The following TP63 variants were observed in gnomAD, a reference collection of about 807,000 sequenced individuals.
TP63 encodes the protein tumor protein p63.
A neutral mutation model predicts 82.8 loss-of-function variants in TP63; 17 were observed. That is an observed-to-expected ratio of 0.21 (90% CI 0.14 to 0.31). The LOEUF (loss-of-function observed/expected upper bound fraction) is 0.31, where lower values mean the gene tolerates loss of function less well. TP63 is among the 10% of genes least tolerant of loss of function. TP63 has a pLI of 1.00. For missense variants in TP63, 648 were observed against 895.3 expected (o/e 0.72, Z 3.52); for synonymous variants, 330 against 321.7 (o/e 1.03, Z -0.28).
upstream of TP63, among the ~76,000 whole-genome samples, chr3:189,628,115 C>A (rs71308970): frequency 0.12 from 17,938 of 152,008 alleles, 1,449 homozygotes; most frequent in East Asian, 0.4. Flanking sequence ...AATAGCTAGA[C>A]TCCAGGAAGA....
At chr3:189,767,232 T>G (rs1454571693) in intron 3 of TP63, among the ~76,000 whole-genome samples, 1 of 152,200 alleles carries the variant, frequency 6.6e-6, no homozygotes, top group Non-Finnish European at 1.5e-5. Flanking sequence ...AGTGGATTCT[T>G]TTCCTTTTTT....
chr3:189,725,537 A>G (rs939832565), intron 1 of TP63, among the ~76,000 whole-genome samples: 7 of 152,150 alleles, frequency 4.6e-5, no homozygotes, highest in African/African-American at 1.4e-4. Context: ...GATTTAAGCT[A>G]TTTTACTACC....
chr3:189,881,452 G>A, intron 10 of TP63: 1 of 985,272 alleles, frequency 1.0e-6, no homozygotes, highest in Non-Finnish European at 1.2e-6. Flanking sequence ...TTGCTTTTGT[G>A]GATGTGTGAT....
chr3:189,760,417 A>G (rs905836066), intron 3 of TP63, among the ~76,000 whole-genome samples: 1 of 152,236 alleles, frequency 6.6e-6, no homozygotes, highest in African/African-American at 2.4e-5. Flanking sequence ...CAAAGGGGCT[A>G]CTGGCCCCAT....
intron 4 of TP63, among the ~76,000 whole-genome samples, chr3:189,817,310 A>C (rs879756197): frequency 5.9e-5 from 9 of 152,172 alleles, no homozygotes; most frequent in Admixed American, 5.2e-4. Flanking sequence ...TGATTACTTA[A>C]GGGTTCTCAT....
intron 1 of TP63, among the ~76,000 whole-genome samples, chr3:189,684,700 G>A (rs932695473): frequency 6.7e-6 from 1 of 148,574 alleles, no homozygotes; most frequent in Non-Finnish European, 1.5e-5. Flanking sequence ...GTGCAATCTC[G>A]GCTCACTGCA....
intron 1 of TP63, among the ~76,000 whole-genome samples, chr3:189,661,237 G>A (rs764544923): frequency 2.0e-5 from 3 of 151,910 alleles, no homozygotes; most frequent in African/African-American, 7.2e-5. Context: ...TTATTTTGAG[G>A]TATATTCCTT....
intron 1 of TP63, among the ~76,000 whole-genome samples, chr3:189,712,718 G>A (rs974099414): frequency 2.0e-5 from 3 of 152,078 alleles, no homozygotes; most frequent in Non-Finnish European, 4.4e-5. Flanking sequence ...TCAGATCACA[G>A]CAATAAGAAG....
intron 1 of TP63, among the ~76,000 whole-genome samples, chr3:189,730,615 T>A (rs1432314605): frequency 1.3e-5 from 2 of 152,238 alleles, no homozygotes; most frequent in Non-Finnish European, 2.9e-5. Context: ...AAGATCATCA[T>A]GTATAAATGC....
rs779762640 is a variant in TP63 at position 189,789,833 on chromosome 3, A to G, written c.325-18439A>G. On this transcript the variant is annotated intron_variant, in intron 3 of 13. Transcript: ENST00000264731. The stretch of plus-strand genomic sequence containing the variant: ...ACCTGGAAAACAATGCCCAGACTCA[A>G]TTTAGTGAGGTAAGGATTTTAGATT... 7 of 1,597,396 alleles carry G rather than the reference A, an allele frequency of 4.4e-6. No individual in the cohort carries two copies. Among genetic ancestry groups the G allele is most frequent in the South Asian group, 3.4e-5 (3 of 87,856 alleles).
chr3:189,843,329 G>C (rs1431151918), intron 4 of TP63, among the ~76,000 whole-genome samples: 1 of 152,226 alleles, frequency 6.6e-6, no homozygotes, highest in Non-Finnish European at 1.5e-5. Flanking sequence ...GTAGCAGACA[G>C]CCCACCTGCT....
chr3:189,870,389 T>C (rs376996515), intron 9 of TP63, among the ~76,000 whole-genome samples: 53 of 152,326 alleles, frequency 3.5e-4, no homozygotes, highest in African/African-American at 1.3e-3. Flanking sequence ...ACTAATTGCA[T>C]GGCATTTACA....
At chr3:189,766,520 T>C (rs1028657935) in intron 3 of TP63, among the ~76,000 whole-genome samples, 9 of 152,200 alleles carry the variant, frequency 5.9e-5, no homozygotes, top group Non-Finnish European at 1.3e-4. Flanking sequence ...GAGAAGTTCC[T>C]AACTCTTTCT....
Position 189,776,713 on chromosome 3 carries a change from G to A in TP63, c.325-31559G>A, listed in dbSNP as rs554693878. 3.9e-5 allele frequency among the ~76,000 whole-genome samples: 6 copies of A among 152,314 alleles called. No individual in the cohort carries two copies. In the South Asian group the frequency reaches 1.2e-3, roughly 32 times the overall value. On this transcript the variant is annotated intron_variant, in intron 3 of 13. Coordinates refer to ENST00000264731, the MANE Select transcript of TP63 (RefSeq NM_003722.5). ...TTAGCCCTGCAGGTCAGTCTTGAAA[G>A]AAACAAGAGTGTAGCATCCAGCAAT...
intron 4 of TP63, among the ~76,000 whole-genome samples, chr3:189,816,164 A>T (rs2108659065): frequency 6.6e-6 from 1 of 152,334 alleles, no homozygotes; most frequent in East Asian, 1.9e-4. Flanking sequence ...GCTTACTTTT[A>T]ATTGGCACAT....
chr3:189,836,007 A>G (rs1002647338), intron 4 of TP63, among the ~76,000 whole-genome samples: 10 of 151,488 alleles, frequency 6.6e-5, no homozygotes, highest in African/African-American at 2.4e-4. Context: ...CACGCGTCAG[A>G]CTTCCTATCA....
At chr3:189,733,292 T>C (rs897251333) in intron 1 of TP63, among the ~76,000 whole-genome samples, 1 of 152,204 alleles carries the variant, frequency 6.6e-6, no homozygotes, top group Non-Finnish European at 1.5e-5. Context: ...AGATGATGTC[T>C]TCCTTCTATG....
At chr3:189,718,802 T>C (rs1287627661) in intron 1 of TP63, among the ~76,000 whole-genome samples, 1 of 152,078 alleles carries the variant, frequency 6.6e-6, no homozygotes, top group Non-Finnish European at 1.5e-5. Flanking sequence ...GGGATTGTCA[T>C]TTTTGGGAAA....
At position 189,693,099 on chromosome 3, in the gene TP63, C is replaced by T. The variant is rs150934936; in HGVS notation, c.63-44641C>T. Among the ~76,000 whole-genome samples the T allele has an allele frequency of 4.6e-5, 7 of 152,140 alleles. No homozygotes were observed. In the East Asian group the frequency reaches 1.2e-3, roughly 25 times the overall value. Reference sequence around the variant, plus strand: ...GTTACCTACAACCTTTGGCTTATATCTTATCTCAAGCATCTACTCCGTTAT... The same window carrying T: ...GTTACCTACAACCTTTGGCTTATATTTTATCTCAAGCATCTACTCCGTTAT... On this transcript the variant is annotated intron_variant, in intron 1 of 13. Coordinates refer to ENST00000264731, the MANE Select transcript of TP63 (RefSeq NM_003722.5).
Sources: gnomAD v4.1 joint callset for allele counts (sites outside exome capture counted in the v4.1 genomes callset) on GRCh38, gnomAD v4.1.1 for gene constraint, MANE v1.5 for transcripts, NCBI Gene and HGNC (gene_info 2026-07-23, HGNC 2026-07-21) for gene names.